MECOM: variants seen among roughly 807,000 people sequenced by gnomAD.
MECOM encodes the protein histone-lysine N-methyltransferase MECOM.
In MECOM, 13 loss-of-function variants were observed where a neutral mutation model predicts 116.3. The ratio of observed to expected loss-of-function variants is 0.11; its 90% CI spans 0.07 to 0.18. MECOM has a LOEUF of 0.18. Among genes scored for constraint, MECOM ranks in the 10% least tolerant of loss-of-function variants. The pLI, the probability that MECOM is intolerant of heterozygous loss-of-function variation, is 1.00. For synonymous variants in MECOM, 528 were observed against 535.2 expected, an observed-to-expected ratio of 0.99 and a Z score of 0.19; for missense variants, 1,299 against 1,509.0, an observed-to-expected ratio of 0.86 and a Z score of 2.31.
intron 1 of MECOM, among the ~76,000 whole-genome samples, chr3:169,413,326 G>A (rs1384366579): frequency 6.6e-6 from 1 of 152,190 alleles, no homozygotes; most frequent in Non-Finnish European, 1.5e-5. Flanking sequence ...TTCTGGCCAA[G>A]ACACTATGCT....
At chr3:169,245,173 A>G (rs1446901797) in intron 2 of MECOM, among the ~76,000 whole-genome samples, 2 of 152,180 alleles carry the variant, frequency 1.3e-5, no homozygotes, top group African/African-American at 4.8e-5. Context: ...GAAATATGCA[A>G]AACATAAATA....
chr3:169,374,918 T>G (rs1444424710), intron 2 of MECOM, among the ~76,000 whole-genome samples: 1 of 151,852 alleles, frequency 6.6e-6, no homozygotes, highest in Non-Finnish European at 1.5e-5. Context: ...ACATCTGTAG[T>G]CCTAGCTACT....
At chr3:169,225,318 T>C (rs1362516053) in intron 2 of MECOM, among the ~76,000 whole-genome samples, 3 of 152,248 alleles carry the variant, frequency 2.0e-5, no homozygotes, top group Non-Finnish European at 2.9e-5. Context: ...GTAGAGATTC[T>C]GCTGCCCTGG....
At chr3:169,245,234 T>A (rs115603690) in intron 2 of MECOM, among the ~76,000 whole-genome samples, 2,468 of 152,210 alleles carry the variant, frequency 0.016, 27 homozygotes, top group Non-Finnish European at 0.026. Flanking sequence ...TTAATAGAAG[T>A]ATCAATAATG....
intron 2 of MECOM, among the ~76,000 whole-genome samples, chr3:169,212,108 G>A (rs1380855763): frequency 1.3e-5 from 2 of 151,890 alleles, no homozygotes; most frequent in African/African-American, 4.8e-5. Flanking sequence ...TATACCTTGG[G>A]GCCTTGGACA....
chr3:169,191,730 A>AAG (rs1413899567), intron 2 of MECOM, among the ~76,000 whole-genome samples: 9 of 65,326 alleles, frequency 1.4e-4, no homozygotes, highest in Non-Finnish European at 3.1e-4. Flanking sequence ...AAAAGAAAGA[A>AAG]AGAAAGAAAG....
At chr3:169,534,224 A>G (rs1445579866) in intron 1 of MECOM, among the ~76,000 whole-genome samples, 1 of 152,226 alleles carries the variant, frequency 6.6e-6, no homozygotes, top group Non-Finnish European at 1.5e-5. Context: ...TTTGTGGTAG[A>G]ATTCAAATAG....
chr3:169,175,280 T>C (rs1184147909), intron 2 of MECOM, among the ~76,000 whole-genome samples: 3 of 152,058 alleles, frequency 2.0e-5, no homozygotes, highest in African/African-American at 7.2e-5. Flanking sequence ...AAATATAAAG[T>C]CTGAAATGCT....
intron 1 of MECOM, among the ~76,000 whole-genome samples, chr3:169,529,697 T>A (rs559498247): frequency 5.3e-5 from 8 of 152,318 alleles, no homozygotes; most frequent in African/African-American, 1.9e-4. Context: ...TTTTCTTTGT[T>A]CGTTTGTTTT....
intron 2 of MECOM, among the ~76,000 whole-genome samples, chr3:169,160,223 A>G (rs996034818): frequency 1.3e-5 from 2 of 152,164 alleles, no homozygotes; most frequent in Admixed American, 1.3e-4. Context: ...CAAATTCATA[A>G]TGGTGTCTAA....
At chr3:169,316,848 C>T (rs527706081) in intron 2 of MECOM, among the ~76,000 whole-genome samples, 6 of 152,152 alleles carry the variant, frequency 3.9e-5, no homozygotes, top group African/African-American at 7.2e-5. Context: ...CCACTGCGCC[C>T]GGCCAAAAGA....
intron 2 of MECOM, among the ~76,000 whole-genome samples, chr3:169,380,397 A>ATG (rs2108272453): frequency 6.6e-6 from 1 of 152,178 alleles, no homozygotes; most frequent in African/African-American, 2.4e-5. Context: ...TGGAAAGTAT[A>ATG]TATATCTACT....
At chr3:169,589,918 A>G (rs1766205707) in intron 1 of MECOM, among the ~76,000 whole-genome samples, 1 of 152,212 alleles carries the variant, frequency 6.6e-6, no homozygotes, top group African/African-American at 2.4e-5. Context: ...ATTTTGTCAC[A>G]AAAGACACCA....
At chr3:169,584,826 T>C (rs1451544173) in intron 1 of MECOM, among the ~76,000 whole-genome samples, 1 of 152,164 alleles carries the variant, frequency 6.6e-6, no homozygotes, top group Admixed American at 6.5e-5. Context: ...CAGCACTGTA[T>C]TCACATTTTA....
chr3:169,352,634 T>C (rs954635680), intron 2 of MECOM, among the ~76,000 whole-genome samples: 1 of 151,916 alleles, frequency 6.6e-6, no homozygotes, highest in African/African-American at 2.4e-5. Flanking sequence ...TCATATCCTA[T>C]TCATTCAGGG....
intron 2 of MECOM, among the ~76,000 whole-genome samples, chr3:169,322,667 C>A (rs924854928): frequency 9.2e-5 from 14 of 151,930 alleles, no homozygotes; most frequent in African/African-American, 2.9e-4. Flanking sequence ...CCAATGAGTA[C>A]CTACTAAAGG....
intron 12 of MECOM, among the ~76,000 whole-genome samples, chr3:169,100,206 C>T (rs1355252671): frequency 2.0e-5 from 3 of 146,668 alleles, no homozygotes; most frequent in Non-Finnish European, 4.5e-5. Context: ...GCAGTGGATT[C>T]TCCTGCCTCA....
chr3:169,600,916 C>T (rs138752173), intron 1 of MECOM, among the ~76,000 whole-genome samples: 28 of 152,288 alleles, frequency 1.8e-4, no homozygotes, highest in Non-Finnish European at 3.7e-4. Flanking sequence ...ACAGGACTTC[C>T]GTTTTAAAGC....
intron 1 of MECOM, among the ~76,000 whole-genome samples, chr3:169,575,445 C>A (rs994142296): frequency 6.6e-6 from 1 of 152,272 alleles, no homozygotes; most frequent in African/African-American, 2.4e-5. Flanking sequence ...AGCACTGTCT[C>A]CCCAGAGAGG....
Sources: gnomAD v4.1 joint callset for allele counts (sites outside exome capture counted in the v4.1 genomes callset) on GRCh38, gnomAD v4.1.1 for gene constraint, MANE v1.5 for transcripts, NCBI Gene and HGNC (gene_info 2026-07-23, HGNC 2026-07-21) for gene names.